UBTD1: variants seen among roughly 807,000 people sequenced by gnomAD.
UBTD1 encodes the protein ubiquitin domain-containing protein 1.
In UBTD1, 19 loss-of-function variants were observed where a neutral mutation model predicts 21.7. That is an observed-to-expected ratio of 0.87 (90% CI 0.61 to 1.28). The LOEUF (loss-of-function observed/expected upper bound fraction) is 1.28. Among genes scored for constraint, UBTD1 ranks in the 50% most tolerant of loss-of-function variants. The pLI is 0.00. For synonymous variants in UBTD1, 116 were observed against 135.1 expected, an observed-to-expected ratio of 0.86 and a Z score of 0.98; for missense variants, 282 against 315.1, an observed-to-expected ratio of 0.89 and a Z score of 0.80.
rs1156438976 is a variant in UBTD1 at position 97,571,158 on chromosome 10, T to TGGACAGACATATCTGC, written c.*636_*651dup. On this transcript the variant is annotated 3_prime_UTR_variant, in exon 3 of 3. Coordinates refer to ENST00000370664, the MANE Select transcript of UBTD1 (RefSeq NM_024954.5). ...TCATGGCCTCCACAGCAGGTCCCTG[T>TGGACAGACATATCTGC]GGACAGACATATCTGCATATTTATC... 2 of 153,034 alleles carry TGGACAGACATATCTGC rather than the reference T, an allele frequency of 1.3e-5. No homozygotes were observed. The highest frequency in any genetic ancestry group is 3.9e-4 in the East Asian group (2 of 5,182). The allele number at this position is 153,034 out of a possible 1,614,324, so 9.5% of individuals were successfully genotyped here. A position where few individuals can be genotyped will look rare whatever the true frequency, so the allele number is the denominator to read the frequency against.
chr10:97,555,808 G>C (rs2040661386), intron 1 of UBTD1, among the ~76,000 whole-genome samples: 2 of 152,222 alleles, frequency 1.3e-5, no homozygotes, highest in Non-Finnish European at 2.9e-5. Flanking sequence ...GTTTAGGCCA[G>C]GCAGGCCAGG....
chr10:97,567,058 A>G (rs1036506468), intron 1 of UBTD1, among the ~76,000 whole-genome samples: 1 of 151,954 alleles, frequency 6.6e-6, no homozygotes, highest in African/African-American at 2.4e-5. Context: ...ATTAGTAACA[A>G]GATGTTAAAA....
At chr10:97,550,579 C>T (rs1391778919) in intron 1 of UBTD1, among the ~76,000 whole-genome samples, 1 of 152,212 alleles carries the variant, frequency 6.6e-6, no homozygotes. Context: ...TTTCTCAATT[C>T]AGCAGGTACT....
At chr10:97,555,497 G>GA (rs1221177687) in intron 1 of UBTD1, among the ~76,000 whole-genome samples, 5 of 152,150 alleles carry the variant, frequency 3.3e-5, no homozygotes, top group African/African-American at 1.2e-4. Context: ...AAACCTCTCA[G>GA]ACACCGAGTT....
intron 1 of UBTD1, among the ~76,000 whole-genome samples, chr10:97,512,872 G>A (rs2040428287): frequency 6.6e-6 from 1 of 152,236 alleles, no homozygotes; most frequent in Non-Finnish European, 1.5e-5. Context: ...TCCGCCCAAA[G>A]GCCCTGTCCT....
intron 1 of UBTD1, among the ~76,000 whole-genome samples, chr10:97,534,577 G>GCA (rs1325135188): frequency 0.062 from 5,465 of 88,308 alleles, 168 homozygotes; most frequent in African/African-American, 0.098. Context: ...ACACGCGCGC[G>GCA]CGCACACACA....
chr10:97,539,305 A>G (rs536451832), intron 1 of UBTD1, among the ~76,000 whole-genome samples: 1 of 152,262 alleles, frequency 6.6e-6, no homozygotes, highest in Non-Finnish European at 1.5e-5. Context: ...TTCGAAAAAA[A>G]GTTTTGGGCT....
intron 1 of UBTD1, among the ~76,000 whole-genome samples, chr10:97,540,001 C>T (rs1009143242): frequency 1.1e-4 from 16 of 152,168 alleles, no homozygotes; most frequent in African/African-American, 3.4e-4. Flanking sequence ...TGACCATTTC[C>T]GCCCCCTCTC....
At chr10:97,520,028 G>A (rs1248050512) in intron 1 of UBTD1, among the ~76,000 whole-genome samples, 1 of 152,222 alleles carries the variant, frequency 6.6e-6, no homozygotes, top group Non-Finnish European at 1.5e-5. Flanking sequence ...AAGAGCACAG[G>A]TTCGGCTCAG....
chr10:97,522,564 T>A (rs1046638043), intron 1 of UBTD1, among the ~76,000 whole-genome samples: 10 of 152,040 alleles, frequency 6.6e-5, no homozygotes, highest in African/African-American at 2.2e-4. Flanking sequence ...CATCTCAAAT[T>A]TGTGGCCAGG....
chr10:97,508,135 T>C (rs924831062), intron 1 of UBTD1, among the ~76,000 whole-genome samples: 3 of 152,252 alleles, frequency 2.0e-5, no homozygotes, highest in Non-Finnish European at 4.4e-5. Context: ...GATTCTGTTA[T>C]CACCTTTTCA....
chr10:97,549,104 G>T (rs2040624737), intron 1 of UBTD1, among the ~76,000 whole-genome samples: 1 of 152,212 alleles, frequency 6.6e-6, no homozygotes, highest in Non-Finnish European at 1.5e-5. Flanking sequence ...ATCTGTGGCT[G>T]CCCGCACACT....
intron 1 of UBTD1, among the ~76,000 whole-genome samples, chr10:97,509,176 T>C (rs2040411330): frequency 6.6e-6 from 1 of 152,170 alleles, no homozygotes. Flanking sequence ...TCCTGTTAGA[T>C]AGGCAAGGCA....
At chr10:97,553,134 G>C (rs903859013) in intron 1 of UBTD1, among the ~76,000 whole-genome samples, 39 of 152,222 alleles carry the variant, frequency 2.6e-4, no homozygotes, top group African/African-American at 9.1e-4. Flanking sequence ...TTTTGTTTTT[G>C]TTTTCCATTT....
chr10:97,520,764 G>C (rs904829223), intron 1 of UBTD1, among the ~76,000 whole-genome samples: 3 of 152,176 alleles, frequency 2.0e-5, no homozygotes, highest in Non-Finnish European at 4.4e-5. Context: ...CACAGCTGGA[G>C]AGAGAAAGGG....
At chr10:97,520,901 G>A (rs1185491886) in intron 1 of UBTD1, among the ~76,000 whole-genome samples, 1 of 152,236 alleles carries the variant, frequency 6.6e-6, no homozygotes, top group Non-Finnish European at 1.5e-5. Context: ...GCCAGCAAGT[G>A]CTCAGAGTCT....
intron 1 of UBTD1, among the ~76,000 whole-genome samples, chr10:97,556,363 G>C (rs567654140): frequency 6.6e-6 from 1 of 152,198 alleles, no homozygotes; most frequent in Admixed American, 6.5e-5. Context: ...ACCTTCTTCA[G>C]CTGCTAGCAA....
At chr10:97,545,687 G>A (rs960545883) in intron 1 of UBTD1, among the ~76,000 whole-genome samples, 1 of 152,200 alleles carries the variant, frequency 6.6e-6, no homozygotes. Context: ...GTCACTTAGC[G>A]CTTTAGTTAA....
intron 1 of UBTD1, among the ~76,000 whole-genome samples, chr10:97,560,737 A>AT (rs923679150): frequency 6.6e-6 from 1 of 150,406 alleles, no homozygotes; most frequent in Non-Finnish European, 1.5e-5. Context: ...CTTCCTTGAA[A>AT]TTTTTTTTTT....
Sources: gnomAD v4.1 joint callset for allele counts (sites outside exome capture counted in the v4.1 genomes callset) on GRCh38, gnomAD v4.1.1 for gene constraint, MANE v1.5 for transcripts, NCBI Gene and HGNC (gene_info 2026-07-23, HGNC 2026-07-21) for gene names.